Variants in ZNF444 observed in about 807,000 individuals in gnomAD.
The protein encoded by ZNF444 is endothelial zinc finger protein 2.
Under a neutral mutation model 14.4 loss-of-function variants are expected in ZNF444, and 8 were observed. That is an observed-to-expected ratio of 0.56 (90% CI 0.33 to 1.00). The LOEUF (loss-of-function observed/expected upper bound fraction) is 1.00. Among genes scored for constraint, ZNF444 ranks in the 50% least tolerant of loss-of-function variants. The pLI is 0.03. For missense variants in ZNF444, 510 were observed against 504.8 expected (o/e 1.01, Z -0.10); for synonymous variants, 258 against 235.9 (o/e 1.09, Z -0.86).
intron 4 of ZNF444, among the ~76,000 whole-genome samples, chr19:56,158,903 C>A (rs759197917): frequency 6.6e-6 from 1 of 151,848 alleles, no homozygotes; most frequent in African/African-American, 2.4e-5. Flanking sequence ...TTCTCCCAGG[C>A]ATCCATCCAT....
At chr19:56,140,679 G>A (rs113592633), upstream of ZNF444, among the ~76,000 whole-genome samples, 19 of 152,028 alleles carry the variant, frequency 1.2e-4, no homozygotes, top group Middle Eastern at 3.4e-3. Context: ...GGGTGGAGAG[G>A]GAGGACAAAA....
chr19:56,133,897 T>C (rs111533492), intron 1 of ZNF444, among the ~76,000 whole-genome samples: 2 of 151,744 alleles, frequency 1.3e-5, no homozygotes, highest in Non-Finnish European at 2.9e-5. Context: ...TAATGGGCAA[T>C]GTGATCCATC....
intron 4 of ZNF444, 53 bp downstream of exon 4, chr19:56,158,655 G>T: frequency 6.8e-7 from 1 of 1,460,558 alleles, no homozygotes; most frequent in Non-Finnish European, 9.3e-7. Context: ...ACCGGGGAGG[G>T]GGTTCAGTGA....
rs1225719344 is a variant in ZNF444 at position 56,158,500 on chromosome 19, G to A, written c.304G>A (p.Ala102Thr). 3.1e-6 allele frequency: 5 copies of A among 1,607,308 alleles called. No individual in the cohort carries two copies. The highest frequency in any genetic ancestry group is 4.2e-6 in the Non-Finnish European group (5 of 1,177,046). The change falls in exon 4 of 5, where the codon GCA becomes ACA. Residue 102 changes from alanine to threonine, a missense_variant. Transcript: ENST00000337080. ...VALLEELWGPAASPDGSSATR... is the reference protein window; with the variant it reads ...VALLEELWGPTASPDGSSATR... The stretch of plus-strand genomic sequence containing the variant: ...AACTGTGCTCTCATTTCAGGGGCCA[G>A]CAGCCTCCCCCGATGGGTCGTCAGC...
upstream of ZNF444, among the ~76,000 whole-genome samples, chr19:56,138,668 T>C (rs1338910177): frequency 6.6e-6 from 1 of 151,758 alleles, no homozygotes; most frequent in Non-Finnish European, 1.5e-5. Flanking sequence ...AACAGAATGG[T>C]GGTTGGCCAG....
intron 3 of ZNF444, among the ~76,000 whole-genome samples, chr19:56,152,158 T>C (rs558364541): frequency 5.3e-5 from 8 of 151,990 alleles, no homozygotes; most frequent in African/African-American, 1.9e-4. Flanking sequence ...ATGGCAAAAC[T>C]GCGTCTCTAC....
intron 4 of ZNF444, 59 bp downstream of exon 4, chr19:56,158,661 A>G: frequency 2.1e-6 from 3 of 1,425,774 alleles, no homozygotes; most frequent in Non-Finnish European, 2.9e-6. Context: ...GAGGGGGTTC[A>G]GTGAACGATC....
At chr19:56,133,011 C>G (rs950678667) in intron 1 of ZNF444, among the ~76,000 whole-genome samples, 1 of 125,154 alleles carries the variant, frequency 8.0e-6, no homozygotes, top group Non-Finnish European at 1.6e-5. Context: ...GATCTTGGCT[C>G]ACTGCAACCT....
chr19:56,160,518 C>T lies in ZNF444; in HGVS notation c.*317C>T, dbSNP rs2123582644. 2 of 348,498 alleles carry T rather than the reference C, an allele frequency of 5.7e-6. No homozygotes were observed. The highest frequency in any genetic ancestry group is 1.0e-4 in the East Asian group (2 of 19,372). 21.6% of individuals were successfully genotyped at this position (348,498 alleles called of 1,614,324 possible). A position where few individuals can be genotyped will look rare whatever the true frequency, so the allele number is the denominator to read the frequency against. On this transcript the variant is annotated 3_prime_UTR_variant, in exon 5 of 5. Coordinates refer to ENST00000337080, the MANE Select transcript of ZNF444 (RefSeq NM_018337.4). Reference sequence around the variant, plus strand: ...TTCTCTCTCCTGCGGCCCAGCCTCCCTCTCCCTCCTCCATTCCTCTCTCCC... The same window carrying T: ...TTCTCTCTCCTGCGGCCCAGCCTCCTTCTCCCTCCTCCATTCCTCTCTCCC...
intron 3 of ZNF444, chr19:56,155,094 A>G (rs2031823720): frequency 6.6e-6 from 1 of 152,202 alleles, no homozygotes; most frequent in African/African-American, 2.4e-5. Context: ...TCCATCAGGC[A>G]GTGTGTTCCT....
In ZNF444 at chr19:56,146,000, A is replaced by C. The variant is rs2031156348; in HGVS notation, c.-196-247A>C. The C allele has an allele frequency of 6.6e-6, 1 of 152,202 alleles. No homozygotes were observed. The highest frequency in any genetic ancestry group is 1.5e-5 in the Non-Finnish European group (1 of 68,060). The allele number at this position is 152,202 out of a possible 1,614,324, so 9.4% of individuals were successfully genotyped here. ...GCCCTTGTGACCTCAGTTAACTTTC[A>C]TTACCAGTTAAAAGCTTCGTCTCCA... is the stretch of plus-strand genomic sequence containing the variant. On this transcript the variant is annotated intron_variant, in intron 1 of 4. Transcript: ENST00000337080. The surrounding 1 kb of genome is among the most constrained non-coding windows in gnomAD (Gnocchi z 4.3).
chr19:56,153,147 T>C (rs985797713), intron 3 of ZNF444, among the ~76,000 whole-genome samples: 3 of 152,078 alleles, frequency 2.0e-5, no homozygotes, highest in Non-Finnish European at 4.4e-5. Context: ...GCTCTTCCAT[T>C]TGGGGGAGAA....
chr19:56,140,130 G>C (rs989947411), upstream of ZNF444, among the ~76,000 whole-genome samples: 1 of 152,300 alleles, frequency 6.6e-6, no homozygotes, highest in Middle Eastern at 3.4e-3. Context: ...ATGAATATAA[G>C]ACGAACAACT....
intron 3 of ZNF444, chr19:56,158,115 TC>T (rs2032020855): frequency 5.8e-6 from 1 of 173,192 alleles, no homozygotes; most frequent in Non-Finnish European, 1.2e-5. Context: ...ATTTCTTGCT[TC>T]CTGACAAGTC....
chr19:56,158,369 C>T (rs1270775813), intron 3 of ZNF444, 125 bp from the exon 4 acceptor site: 1 of 904,382 alleles, frequency 1.1e-6, no homozygotes, highest in East Asian at 3.0e-5. Context: ...TCAGTGTCGC[C>T]CAGCATGACT....
At position 56,160,757 on chromosome 19, in the gene ZNF444, G is replaced by C. The variant is rs1419510510; in HGVS notation, c.*556G>C. 6.5e-6 allele frequency: 1 copy of C among 153,780 alleles called. No homozygotes were observed. The highest frequency in any genetic ancestry group is 2.4e-5 in the African/African-American group (1 of 41,480). 9.5% of individuals were successfully genotyped at this position (153,780 alleles called of 1,614,324 possible). A position where few individuals can be genotyped will look rare whatever the true frequency, so the allele number is the denominator to read the frequency against. On this transcript the variant is annotated 3_prime_UTR_variant, in exon 5 of 5. Coordinates refer to ENST00000337080, the MANE Select transcript of ZNF444 (RefSeq NM_018337.4). ...CTGAAGCTGAACCCAGGGCCTGGCTGTGGTCTTCTTGGTCTTGCTGCCCCC... is the reference window on the plus strand; with the variant it reads ...CTGAAGCTGAACCCAGGGCCTGGCTCTGGTCTTCTTGGTCTTGCTGCCCCC...
rs754653971 is a variant in ZNF444 at position 56,147,001 on chromosome 19, C to T, written c.90C>T (p.Asp30=). 39 of 1,445,236 alleles carry T rather than the reference C, an allele frequency of 2.7e-5. No individual in the cohort carries two copies. Among genetic ancestry groups the T allele is most frequent in the Non-Finnish European group, 3.3e-5 (36 of 1,107,534 alleles). The allele number at this position is 1,445,236 out of a possible 1,614,324, so 89.5% of individuals were successfully genotyped here. ...GCTTCCGCCGCTTCCACCTGGGCGA[C>T]GCGCCGGGCCCGCGGGAGGCGCTGG... The part of the protein sequence containing the change: ...WHRFRRFHLG[D]APGPREALGL... Residue 30 remains aspartate, a synonymous_variant, in exon 3 of 5, where the codon GAC becomes GAT. Coordinates refer to ENST00000337080, the MANE Select transcript of ZNF444 (RefSeq NM_018337.4). The surrounding 1 kb of genome is among the most constrained non-coding windows in gnomAD (Gnocchi z 5.9).
upstream of ZNF444, among the ~76,000 whole-genome samples, chr19:56,139,144 A>G (rs2030679899): frequency 6.6e-6 from 1 of 151,938 alleles, no homozygotes; most frequent in South Asian, 2.1e-4. Context: ...AATGATTAAG[A>G]TGGTAATTTT....
upstream of ZNF444, among the ~76,000 whole-genome samples, chr19:56,136,429 C>T (rs1008023401): frequency 2.0e-5 from 3 of 152,166 alleles, no homozygotes; most frequent in African/African-American, 4.8e-5. Flanking sequence ...AGACAATAGC[C>T]AGTAGTGAAA....
Sources: allele counts gnomAD v4.1 joint callset (sites outside exome capture counted in the v4.1 genomes callset), GRCh38; gene constraint gnomAD v4.1.1; non-coding constraint Gnocchi (gnomAD v3.1); transcripts MANE v1.5; gene names NCBI Gene and HGNC (gene_info 2026-07-23, HGNC 2026-07-21).